RFX3: variants seen among roughly 807,000 people sequenced by gnomAD.
RFX3 encodes the protein regulatory factor X3.
Under a neutral mutation model 98.6 loss-of-function variants are expected in RFX3, and 14 were observed. That is an observed-to-expected ratio of 0.14 (90% CI 0.09 to 0.22). The LOEUF is 0.22. Ranked by LOEUF, RFX3 falls within the 10% of genes least tolerant of loss-of-function variation. The pLI, the probability that RFX3 is intolerant of heterozygous loss-of-function variation, is 1.00. For missense variants in RFX3, 639 were observed against 926.9 expected (o/e 0.69, Z 4.03); for synonymous variants, 383 against 328.4 (o/e 1.17, Z -1.80).
At chr9:3,355,861 G>C (rs59203588) in intron 2 of RFX3, among the ~76,000 whole-genome samples, 2 of 151,658 alleles carry the variant, frequency 1.3e-5, no homozygotes, top group African/African-American at 4.8e-5. Flanking sequence ...CATTAAATTC[G>C]AAATCGAGGA....
intron 1 of RFX3, among the ~76,000 whole-genome samples, chr9:3,467,384 C>T (rs952213411): frequency 6.7e-6 from 1 of 150,094 alleles, no homozygotes; most frequent in African/African-American, 2.4e-5. Flanking sequence ...TCTTTCAAGG[C>T]ATCAGGGTTT....
chr9:3,516,358 A>T (rs1036184263), intron 1 of RFX3, among the ~76,000 whole-genome samples: 1 of 152,192 alleles, frequency 6.6e-6, no homozygotes, highest in Non-Finnish European at 1.5e-5. Context: ...TAAACTAAAA[A>T]TTTTTTAAAA....
At chr9:3,421,138 G>A (rs1450911511) in intron 1 of RFX3, among the ~76,000 whole-genome samples, 1 of 151,888 alleles carries the variant, frequency 6.6e-6, no homozygotes, top group Non-Finnish European at 1.5e-5. Flanking sequence ...AACAAACACT[G>A]AGAATAACTA....
At chr9:3,353,757 A>G (rs995421651) in intron 2 of RFX3, among the ~76,000 whole-genome samples, 4 of 152,112 alleles carry the variant, frequency 2.6e-5, no homozygotes, top group East Asian at 3.8e-4. Context: ...TTACAATACC[A>G]TAAGAATCAT....
At chr9:3,294,288 T>C (rs1412402134) in intron 5 of RFX3, among the ~76,000 whole-genome samples, 1 of 152,136 alleles carries the variant, frequency 6.6e-6, no homozygotes, top group Non-Finnish European at 1.5e-5. Flanking sequence ...GCAGTAAATA[T>C]TTCACATTAC....
chr9:3,493,467 G>A (rs1040388121), intron 1 of RFX3, among the ~76,000 whole-genome samples: 6 of 151,784 alleles, frequency 4.0e-5, no homozygotes, highest in Admixed American at 2.0e-4. Context: ...GGCAGATCAC[G>A]AGGTCAGGAG....
chr9:3,377,982 C>T (rs1838737224), intron 2 of RFX3, among the ~76,000 whole-genome samples: 1 of 152,058 alleles, frequency 6.6e-6, no homozygotes, highest in Non-Finnish European at 1.5e-5. Context: ...TAAGTATACA[C>T]TTTACAAAAC....
chr9:3,422,182 C>T (rs1161796684), intron 1 of RFX3, among the ~76,000 whole-genome samples: 1 of 152,116 alleles, frequency 6.6e-6, no homozygotes, highest in African/African-American at 2.4e-5. Context: ...GCTAAATCTT[C>T]CTGGCACAAA....
chr9:3,418,150 G>A (rs899232499), intron 1 of RFX3, among the ~76,000 whole-genome samples: 2 of 152,086 alleles, frequency 1.3e-5, no homozygotes, highest in Admixed American at 6.6e-5. Flanking sequence ...CAGTTGAGTA[G>A]CCATGATATT....
intron 1 of RFX3, among the ~76,000 whole-genome samples, chr9:3,523,884 T>A (rs1818960880): frequency 6.6e-6 from 1 of 152,172 alleles, no homozygotes; most frequent in Admixed American, 6.5e-5. Context: ...GAACAAAATA[T>A]CGTCTTCATT....
chr9:3,482,213 A>G (rs1316002554), intron 1 of RFX3, among the ~76,000 whole-genome samples: 1 of 151,000 alleles, frequency 6.6e-6, no homozygotes, highest in African/African-American at 2.4e-5. Context: ...AAGATGTTCA[A>G]AATATGAGTG....
At chr9:3,247,786 G>C in intron 15 of RFX3, 2 of 1,598,542 alleles carry the variant, frequency 1.3e-6, no homozygotes, top group East Asian at 2.2e-5. Context: ...ATAGGTACCT[G>C]TATAATATAG....
At chr9:3,501,478 C>A (rs778488255) in intron 1 of RFX3, among the ~76,000 whole-genome samples, 1 of 150,672 alleles carries the variant, frequency 6.6e-6, no homozygotes, top group Non-Finnish European at 1.5e-5. Context: ...TTTGTTTCTT[C>A]AAATTATTTC....
chr9:3,271,591 G>T (rs1824480083), intron 9 of RFX3, among the ~76,000 whole-genome samples: 1 of 142,242 alleles, frequency 7.0e-6, no homozygotes, highest in Non-Finnish European at 1.5e-5. Context: ...TTTACCTACT[G>T]CTTCTTTCTG....
intron 10 of RFX3, 92 bp from the exon 11 acceptor site, chr9:3,270,617 A>T: frequency 7.7e-7 from 1 of 1,296,540 alleles, no homozygotes; most frequent in East Asian, 2.3e-5. Context: ...ACCAAATATT[A>T]CTGAGGTTAG....
intron 1 of RFX3, among the ~76,000 whole-genome samples, chr9:3,517,982 T>C (rs749125880): frequency 3.3e-4 from 50 of 152,190 alleles, no homozygotes; most frequent in Non-Finnish European, 6.3e-4. Flanking sequence ...ACTAAACATC[T>C]TGACACAATG....
intron 1 of RFX3, among the ~76,000 whole-genome samples, chr9:3,488,448 A>G (rs967550751): frequency 6.6e-6 from 1 of 152,194 alleles, no homozygotes; most frequent in Non-Finnish European, 1.5e-5. Context: ...TTCAATCATG[A>G]AAACTCAGTG....
At chr9:3,304,351 G>A (rs115456025) in intron 4 of RFX3, among the ~76,000 whole-genome samples, 2,732 of 151,980 alleles carry the variant, frequency 0.018, 82 homozygotes, top group African/African-American at 0.062. Flanking sequence ...TAGTAACTGT[G>A]TGACTGTCAT....
intron 2 of RFX3, among the ~76,000 whole-genome samples, chr9:3,359,721 TG>T (rs1345967821): frequency 1.3e-5 from 2 of 152,168 alleles, no homozygotes; most frequent in Non-Finnish European, 2.9e-5. Flanking sequence ...ATCTTCTAAA[TG>T]GGGATGTGTA....
Sources: allele counts gnomAD v4.1 joint callset (sites outside exome capture counted in the v4.1 genomes callset), GRCh38; gene constraint gnomAD v4.1.1; transcripts MANE v1.5; gene names NCBI Gene and HGNC (gene_info 2026-07-23, HGNC 2026-07-21).